Variants in EDIL3 observed in about 807,000 individuals in gnomAD.
EDIL3 encodes EGF-like repeat and discoidin I-like domain-containing protein 3.
EDIL3 carries 37 observed loss-of-function variants against 67.4 expected under a neutral mutation model. The ratio of observed to expected loss-of-function variants is 0.55; its 90% CI spans 0.42 to 0.72. EDIL3 has a LOEUF of 0.72. Among genes scored for constraint, EDIL3 ranks in the 30% least tolerant of loss-of-function variants. The pLI is 0.00. For missense variants in EDIL3, 527 were observed against 586.3 expected (o/e 0.90, Z 1.04); for synonymous variants, 195 against 196.3 (o/e 0.99, Z 0.05).
At chr5:84,239,502 A>G (rs10942345) in intron 2 of EDIL3, among the ~76,000 whole-genome samples, 90,522 of 151,908 alleles carry the variant, frequency 0.6, 27,182 homozygotes, top group East Asian at 0.82. Context: ...GGTTTGTTAC[A>G]TATGTATACA....
chr5:84,098,241 A>C (rs1480509612), intron 6 of EDIL3, among the ~76,000 whole-genome samples: 4 of 152,124 alleles, frequency 2.6e-5, no homozygotes. Context: ...TCATCAAGAC[A>C]ATGAAGAAAA....
At chr5:84,340,528 CTCTCTCTATA>C (rs1471447293) in intron 1 of EDIL3, among the ~76,000 whole-genome samples, 164 of 71,450 alleles carry the variant, frequency 2.3e-3, no homozygotes, top group Middle Eastern at 5.6e-3. Context: ...CTCTCTCTCT[CTCTCTCTATA>C]TATATATATA....
intron 1 of EDIL3, among the ~76,000 whole-genome samples, chr5:84,381,640 T>C (rs933229165): frequency 6.6e-6 from 1 of 152,128 alleles, no homozygotes; most frequent in East Asian, 1.9e-4. Context: ...ATTCATAGTA[T>C]TTAGGACATG....
At chr5:84,140,757 C>G (rs1407133573) in intron 4 of EDIL3, among the ~76,000 whole-genome samples, 1 of 152,118 alleles carries the variant, frequency 6.6e-6, no homozygotes, top group East Asian at 1.9e-4. Flanking sequence ...TAAAAATATA[C>G]ATGTTATCTT....
chr5:84,286,566 T>C (rs1028181779), intron 1 of EDIL3, among the ~76,000 whole-genome samples: 13 of 152,184 alleles, frequency 8.5e-5, no homozygotes, highest in Non-Finnish European at 1.5e-5. Flanking sequence ...CTTTTTTATT[T>C]TGTTAAACTT....
chr5:84,137,772 A>T (rs2112316395), intron 4 of EDIL3, among the ~76,000 whole-genome samples: 1 of 152,346 alleles, frequency 6.6e-6, no homozygotes, highest in African/African-American at 2.4e-5. Context: ...ATCTTAATTC[A>T]TTACAATTCT....
chr5:84,211,735 C>A (rs554502462), intron 3 of EDIL3, among the ~76,000 whole-genome samples: 1 of 152,278 alleles, frequency 6.6e-6, no homozygotes, highest in South Asian at 2.1e-4. Flanking sequence ...GAGAGCATGG[C>A]CTGGATTATG....
At chr5:84,032,952 T>C (rs944545416) in intron 9 of EDIL3, among the ~76,000 whole-genome samples, 1 of 152,236 alleles carries the variant, frequency 6.6e-6, no homozygotes, top group Non-Finnish European at 1.5e-5. Flanking sequence ...AAGTTTGGCC[T>C]TGGGCATGCT....
At chr5:84,271,501 T>C (rs1291422778) in intron 1 of EDIL3, among the ~76,000 whole-genome samples, 2 of 151,546 alleles carry the variant, frequency 1.3e-5, no homozygotes, top group Non-Finnish European at 2.9e-5. Flanking sequence ...AGAAGGAAAA[T>C]TAATGCTGAT....
intron 1 of EDIL3, among the ~76,000 whole-genome samples, chr5:84,303,850 TTGTG>T (rs34367727): frequency 5.8e-4 from 58 of 99,222 alleles, no homozygotes; most frequent in African/African-American, 2.2e-3. Flanking sequence ...GTGTGTGTGT[TTGTG>T]TGTGTGTGTG....
chr5:84,349,835 AAGGT>A (rs1412247348), intron 1 of EDIL3, among the ~76,000 whole-genome samples: 1 of 152,152 alleles, frequency 6.6e-6, no homozygotes, highest in East Asian at 1.9e-4. Flanking sequence ...TAGATTTGTA[AAGGT>A]ACAAATATCT....
At position 84,215,808 on chromosome 5, in the gene EDIL3, T is replaced by C. The variant is rs1011150126; in HGVS notation, c.226+14047A>G. Among the ~76,000 whole-genome samples, 12 of 152,126 alleles carry C rather than the reference T, an allele frequency of 7.9e-5. No individual in the cohort carries two copies. In the South Asian group the frequency reaches 8.3e-4, roughly 10 times the overall value. ...TCCAGGGTTTATGTTTGTGTTTGCTTTATAGAAAAGGAAGGACAGGGTGGC... is the reference window on the plus strand; with the variant it reads ...TCCAGGGTTTATGTTTGTGTTTGCTCTATAGAAAAGGAAGGACAGGGTGGC... On this transcript the variant is annotated intron_variant, in intron 3 of 10. Transcript: ENST00000296591.
chr5:84,046,821 T>C (rs532374472), intron 9 of EDIL3, among the ~76,000 whole-genome samples: 80 of 152,338 alleles, frequency 5.3e-4, no homozygotes, highest in African/African-American at 1.9e-3. Context: ...TGCATTATCA[T>C]AAAACAGGAG....
intron 9 of EDIL3, among the ~76,000 whole-genome samples, chr5:84,057,808 T>C (rs998017659): frequency 6.6e-6 from 1 of 152,136 alleles, no homozygotes; most frequent in Admixed American, 6.6e-5. Flanking sequence ...ATTCAACAAA[T>C]CTTTATGGAA....
At chr5:83,959,356 A>T (rs1348736733) in intron 10 of EDIL3, among the ~76,000 whole-genome samples, 2 of 150,930 alleles carry the variant, frequency 1.3e-5, no homozygotes, top group South Asian at 2.1e-4. Context: ...AGAAAACTGC[A>T]TTTATTTTCA....
rs146983926 is a variant in EDIL3, at chr5:83,992,595, A to G, written c.1138-29235T>C. On this transcript the variant is annotated intron_variant, in intron 9 of 10. Coordinates refer to ENST00000296591, the MANE Select transcript of EDIL3 (RefSeq NM_005711.5). ...AATGGTTTAAATTATGCTTATTATC[A>G]TATTATTAAAATTGTGTTCATAGTC... 1.5e-4 allele frequency among the ~76,000 whole-genome samples: 23 copies of G among 152,288 alleles called. 1 individual carries two copies. The highest frequency in any genetic ancestry group is 3.8e-4 in the African/African-American group (16 of 41,568).
chr5:84,285,750 C>T (rs924370004), intron 1 of EDIL3, among the ~76,000 whole-genome samples: 1 of 152,188 alleles, frequency 6.6e-6, no homozygotes, highest in African/African-American at 2.4e-5. Flanking sequence ...GTGATAGTGG[C>T]TGCTTTAGCC....
At chr5:84,228,934 G>T (rs1437180355) in intron 3 of EDIL3, among the ~76,000 whole-genome samples, 3 of 152,042 alleles carry the variant, frequency 2.0e-5, no homozygotes, top group African/African-American at 7.2e-5. Flanking sequence ...AATTTCAGGA[G>T]CCCTTTCCTG....
rs552502880 is a variant in EDIL3 at position 84,314,157 on chromosome 5, T to C, written c.68-59945A>G. On this transcript the variant is annotated intron_variant, in intron 1 of 10. Transcript: ENST00000296591. ...GTTGCAGTGAGCCAAGGTTGTGCCA[T>C]TGAAATCCAGCCTGGGTGACAACAG... 5.9e-5 allele frequency among the ~76,000 whole-genome samples: 9 copies of C among 152,048 alleles called. No homozygotes were observed. The East Asian group carries it at 1.4e-3, about 23-fold the overall frequency.
Sources: allele counts gnomAD v4.1 joint callset (sites outside exome capture counted in the v4.1 genomes callset), GRCh38; gene constraint gnomAD v4.1.1; transcripts MANE v1.5; gene names NCBI Gene and HGNC (gene_info 2026-07-23, HGNC 2026-07-21).